PLXDC2: variants seen among roughly 807,000 people sequenced by gnomAD.
PLXDC2 encodes the protein plexin domain containing 2, also known as plexin domain-containing protein 2.
PLXDC2 carries 40 observed loss-of-function variants against 68.9 expected under a neutral mutation model. The observed-to-expected ratio is 0.58, with a 90% CI of 0.45 to 0.76. PLXDC2 has a LOEUF of 0.76. Among genes scored for constraint, PLXDC2 ranks in the 30% least tolerant of loss-of-function variants. PLXDC2 has a pLI of 0.00. For missense variants in PLXDC2, 644 were observed against 661.9 expected, an observed-to-expected ratio of 0.97 and a Z score of 0.30; for synonymous variants, 243 against 234.2, an observed-to-expected ratio of 1.04 and a Z score of -0.34.
intron 9 of PLXDC2, among the ~76,000 whole-genome samples, chr10:20,203,434 A>G (rs1190471469): frequency 6.6e-6 from 1 of 151,760 alleles, no homozygotes; most frequent in East Asian, 1.9e-4. Context: ...CCTCCCAAGT[A>G]GCTGGGACTA....
At chr10:19,910,517 A>G (rs1833248795) in intron 1 of PLXDC2, among the ~76,000 whole-genome samples, 1 of 150,362 alleles carries the variant, frequency 6.7e-6, no homozygotes, top group Admixed American at 6.6e-5. Context: ...GGGTCCTTCC[A>G]CTAGAGCTCT....
chr10:20,036,968 T>C (rs1484796959), intron 2 of PLXDC2, among the ~76,000 whole-genome samples: 1 of 152,186 alleles, frequency 6.6e-6, no homozygotes. Flanking sequence ...TGCTTTTATC[T>C]CTTTTAGTGA....
intron 1 of PLXDC2, among the ~76,000 whole-genome samples, chr10:19,915,699 C>T (rs1326236): frequency 0.18 from 27,994 of 151,804 alleles, 4,087 homozygotes; most frequent in African/African-American, 0.4. Context: ...CTGTCTTCTC[C>T]GTCTCTACCT....
At chr10:19,938,447 G>A (rs1039224523) in intron 1 of PLXDC2, among the ~76,000 whole-genome samples, 4 of 152,178 alleles carry the variant, frequency 2.6e-5, no homozygotes, top group African/African-American at 9.7e-5. Context: ...GAGGTTTACT[G>A]ATGGTGGAAG....
At chr10:20,134,118 C>T (rs1833903307) in intron 4 of PLXDC2, among the ~76,000 whole-genome samples, 1 of 151,964 alleles carries the variant, frequency 6.6e-6, no homozygotes, top group East Asian at 1.9e-4. Flanking sequence ...TATTGCTTTC[C>T]TGATATCAGT....
intron 1 of PLXDC2, among the ~76,000 whole-genome samples, chr10:19,853,418 T>A (rs954090474): frequency 3.9e-5 from 6 of 151,998 alleles, no homozygotes; most frequent in Non-Finnish European, 7.4e-5. Context: ...TTTTAATTTT[T>A]ATTTATTTAT....
rs145201861 is a variant in PLXDC2 at position 19,971,126 on chromosome 10, C to T, written c.113-30649C>T. On this transcript the variant is annotated intron_variant, in intron 1 of 13. Coordinates refer to ENST00000377252, the MANE Select transcript of PLXDC2 (RefSeq NM_032812.9). ...TATATGGTTAATTGATAATACAGCC[C>T]GTTGGTGATTATTGTTTAGACTTTA... 4.6e-3 allele frequency among the ~76,000 whole-genome samples: 693 copies of T among 152,106 alleles called. 2 individuals carry two copies. Among genetic ancestry groups the T allele is most frequent in the Non-Finnish European group, 8.2e-3 (555 of 67,990 alleles).
At chr10:19,837,027 C>T (rs77844324) in intron 1 of PLXDC2, among the ~76,000 whole-genome samples, 1 of 152,152 alleles carries the variant, frequency 6.6e-6, no homozygotes, top group African/African-American at 2.4e-5. Context: ...GAACTCTCTT[C>T]TCACTAAGAA....
intron 2 of PLXDC2, among the ~76,000 whole-genome samples, chr10:20,040,489 C>G (rs1408241009): frequency 2.0e-5 from 3 of 152,172 alleles, no homozygotes; most frequent in South Asian, 2.1e-4. Flanking sequence ...ATGACTCCTC[C>G]TGTAGCTTAT....
chr10:20,287,982 G>GT lies in PLXDC2; in HGVS notation c.*8163_*8164insT. The stretch of plus-strand genomic sequence containing the variant: ...AGAAATTGGGCACTTCTTGCGGCGG[G>GT]GGAGGGGGGGGGGGCGGTGGCTTTC... On this transcript the variant is annotated 3_prime_UTR_variant, in exon 14 of 14. Coordinates refer to ENST00000377252, the MANE Select transcript of PLXDC2 (RefSeq NM_032812.9). 1.9e-5 allele frequency: 2 copies of GT among 104,732 alleles called. No individual in the cohort carries two copies. Among genetic ancestry groups the GT allele is most frequent in the African/African-American group, 7.3e-5 (2 of 27,514 alleles). 6.5% of individuals were successfully genotyped at this position (104,732 alleles called of 1,614,324 possible). A position where few individuals can be genotyped will look rare whatever the true frequency, so the allele number is the denominator to read the frequency against.
In PLXDC2 at chr10:20,286,552, A is replaced by T. The variant is rs1002358119; in HGVS notation, c.*6733A>T. On this transcript the variant is annotated 3_prime_UTR_variant, in exon 14 of 14. Coordinates refer to ENST00000377252, the MANE Select transcript of PLXDC2 (RefSeq NM_032812.9). ...ATGACCAAAGTATCGCTTACTGACCATGCAGCTGTAAACCTTCTGTGCCTA... is the reference window on the plus strand; with the variant it reads ...ATGACCAAAGTATCGCTTACTGACCTTGCAGCTGTAAACCTTCTGTGCCTA... 1 of 152,180 alleles carries T rather than the reference A, an allele frequency of 6.6e-6. No individual in the cohort carries two copies. Among genetic ancestry groups the T allele is most frequent in the Non-Finnish European group, 1.5e-5 (1 of 68,018 alleles). The allele number at this position is 152,180 out of a possible 1,614,324, so 9.4% of individuals were successfully genotyped here.
At chr10:20,231,466 G>C (rs947223707) in intron 12 of PLXDC2, among the ~76,000 whole-genome samples, 2 of 151,112 alleles carry the variant, frequency 1.3e-5, no homozygotes, top group African/African-American at 4.8e-5. Context: ...AAGGAAAAAA[G>C]GTTTAAAATT....
At chr10:20,007,267 G>A (rs1442045119) in intron 2 of PLXDC2, among the ~76,000 whole-genome samples, 2 of 152,204 alleles carry the variant, frequency 1.3e-5, no homozygotes, top group African/African-American at 4.8e-5. Context: ...AGGATGGAGA[G>A]TGCTTTGACA....
intron 1 of PLXDC2, among the ~76,000 whole-genome samples, chr10:19,947,580 A>G (rs1046033927): frequency 6.6e-6 from 1 of 152,316 alleles, no homozygotes; most frequent in African/African-American, 2.4e-5. Context: ...TCTTTTTGGA[A>G]AAAATTGACC....
At chr10:20,162,498 G>C (rs1372905940) in intron 6 of PLXDC2, among the ~76,000 whole-genome samples, 1 of 152,088 alleles carries the variant, frequency 6.6e-6, no homozygotes, top group East Asian at 1.9e-4. Context: ...GCATTTATAT[G>C]ATGGCATTAA....
chr10:20,001,727 A>G (rs768653), intron 1 of PLXDC2, 48 bp from the exon 2 acceptor site: 3 of 1,552,154 alleles, frequency 1.9e-6, no homozygotes, highest in African/African-American at 1.4e-5. Context: ...ACTTGCATGT[A>G]TGGTACACAT....
intron 4 of PLXDC2, among the ~76,000 whole-genome samples, chr10:20,069,938 T>C (rs192820152): frequency 7.5e-4 from 114 of 152,332 alleles, no homozygotes; most frequent in African/African-American, 2.3e-3. Flanking sequence ...GAGAGTTGTT[T>C]AAGACTATAG....
At chr10:20,168,410 A>G (rs1301021669) in intron 7 of PLXDC2, among the ~76,000 whole-genome samples, 1 of 152,140 alleles carries the variant, frequency 6.6e-6, no homozygotes, top group African/African-American at 2.4e-5. Context: ...AAACAGCGAT[A>G]CTAACTTAGA....
At chr10:20,057,250 T>C (rs1479565754) in intron 3 of PLXDC2, among the ~76,000 whole-genome samples, 2 of 152,168 alleles carry the variant, frequency 1.3e-5, no homozygotes, top group Non-Finnish European at 2.9e-5. Flanking sequence ...GAATATAATT[T>C]TTTTTAGAGT....
Sources: gnomAD v4.1 joint callset for allele counts (sites outside exome capture counted in the v4.1 genomes callset) on GRCh38, gnomAD v4.1.1 for gene constraint, MANE v1.5 for transcripts, NCBI Gene and HGNC (gene_info 2026-07-23, HGNC 2026-07-21) for gene names.